GCSAML: variants seen among roughly 807,000 people sequenced by gnomAD.
The protein encoded by GCSAML is germinal center-associated signaling and motility-like protein.
Under a neutral mutation model 13.0 loss-of-function variants are expected in GCSAML, and 9 were observed. That is an observed-to-expected ratio of 0.69 (90% CI 0.42 to 1.21). The LOEUF is 1.21. Ranked by LOEUF, GCSAML falls within the 50% of genes most tolerant of loss-of-function variation. GCSAML has a pLI of 0.00. For missense variants in GCSAML, 143 were observed against 153.4 expected (o/e 0.93, Z 0.36); for synonymous variants, 37 against 52.9 (o/e 0.70, Z 1.31).
At chr1:247,533,935 C>G (rs1372571995) in intron 2 of GCSAML, 1 of 152,192 alleles carries the variant, frequency 6.6e-6, no homozygotes, top group Non-Finnish European at 1.5e-5. Context: ...GTCTGCTGCT[C>G]AACACCCTCA....
At chr1:247,549,029 T>C, upstream of GCSAML, 2 of 1,561,876 alleles carry the variant, frequency 1.3e-6, no homozygotes, top group South Asian at 2.3e-5. Flanking sequence ...CTTCCTGCCT[T>C]CTCTATCATG....
intron 1 of GCSAML, among the ~76,000 whole-genome samples, chr1:247,513,570 G>A (rs892054219): frequency 6.6e-6 from 1 of 152,220 alleles, no homozygotes; most frequent in Non-Finnish European, 1.5e-5. Flanking sequence ...AAAGACTCCT[G>A]CAGCTAGCTC....
intron 2 of GCSAML, among the ~76,000 whole-genome samples, chr1:247,556,810 T>C (rs1020881919): frequency 2.6e-5 from 4 of 152,320 alleles, no homozygotes; most frequent in South Asian, 2.1e-4. Context: ...GGAAAACATG[T>C]CTCATTATGC....
intron 2 of GCSAML, among the ~76,000 whole-genome samples, chr1:247,561,135 G>A (rs747858630): frequency 6.6e-6 from 1 of 151,768 alleles, no homozygotes; most frequent in Non-Finnish European, 1.5e-5. Context: ...CAACTTTTTT[G>A]TACAGACAGG....
intron 3 of GCSAML, 107 bp from the exon 4 acceptor site, chr1:247,565,824 A>G: frequency 1.2e-6 from 1 of 852,172 alleles, no homozygotes; most frequent in Non-Finnish European, 1.8e-6. Flanking sequence ...CTGCAGTTTT[A>G]TGACTTCTAC....
chr1:247,517,597 T>A (rs765360840), intron 1 of GCSAML, among the ~76,000 whole-genome samples: 2 of 152,142 alleles, frequency 1.3e-5, no homozygotes, highest in Non-Finnish European at 2.9e-5. Context: ...GTTTAAAAAA[T>A]TTTTATTTTT....
chr1:247,523,373 A>G (rs1484792003), intron 1 of GCSAML, among the ~76,000 whole-genome samples: 1 of 152,228 alleles, frequency 6.6e-6, no homozygotes, highest in African/African-American at 2.4e-5. Context: ...CCAATTTCTC[A>G]TTACTTAAGT....
intron 2 of GCSAML, among the ~76,000 whole-genome samples, chr1:247,559,070 A>T (rs1256703251): frequency 6.6e-6 from 1 of 152,198 alleles, no homozygotes; most frequent in African/African-American, 2.4e-5. Flanking sequence ...TTTATGGAAA[A>T]AGAAATCACT....
intron 1 of GCSAML, among the ~76,000 whole-genome samples, chr1:247,552,125 C>T (rs150126395): frequency 2.0e-4 from 31 of 152,246 alleles, no homozygotes; most frequent in African/African-American, 7.2e-4. Context: ...ATTTCTATGG[C>T]TAGCCCTGGG....
intron 2 of GCSAML, chr1:247,531,852 G>A (rs769258016): frequency 2.5e-6 from 4 of 1,614,172 alleles, no homozygotes; most frequent in Non-Finnish European, 3.4e-6. Flanking sequence ...GGGCAATGTG[G>A]CCGTAAGAGA....
At chr1:247,563,768 A>C in intron 3 of GCSAML, 129 bp downstream of exon 3, 1 of 493,324 alleles carries the variant, frequency 2.0e-6, no homozygotes, top group Non-Finnish European at 3.7e-6. Context: ...TTACTCTTTC[A>C]TAAAACTGAT....
At chr1:247,550,893 G>T (rs1447323058) in intron 1 of GCSAML, among the ~76,000 whole-genome samples, 2 of 152,092 alleles carry the variant, frequency 1.3e-5, no homozygotes, top group African/African-American at 4.8e-5. Context: ...AATGGATATG[G>T]AAGCAAATTT....
intron 1 of GCSAML, among the ~76,000 whole-genome samples, chr1:247,513,039 G>A (rs547969563): frequency 1.4e-4 from 21 of 152,314 alleles, no homozygotes; most frequent in African/African-American, 2.9e-4. Context: ...CTTGAGCGCT[G>A]TGTTGGGAGA....
rs1314843326 is a variant in GCSAML at position 247,575,456 on chromosome 1, TAA to T, written c.*1076_*1077del. 6.6e-6 allele frequency: 1 copy of T among 152,222 alleles called. No homozygotes were observed. The highest frequency in any genetic ancestry group is 1.5e-5 in the Non-Finnish European group (1 of 68,036). 9.4% of individuals were successfully genotyped at this position (152,222 alleles called of 1,614,324 possible). A position where few individuals can be genotyped will look rare whatever the true frequency, so the allele number is the denominator to read the frequency against. ...CATCTTTGAGGTGTAATCTACTCAA[TAA>T]ACTGTGTAAGACCAGTGACCAGACC... On this transcript the variant is annotated 3_prime_UTR_variant, in exon 5 of 5. Transcript: ENST00000366488.
rs1350904984 is a variant in GCSAML, at chr1:247,576,978, G to C, written c.*2596G>C. The stretch of plus-strand genomic sequence containing the variant: ...TAATAAACAGTATTGATTGGTAGAA[G>C]GAACGTTGAAATCCAAGAGCATCAA... On this transcript the variant is annotated 3_prime_UTR_variant, in exon 5 of 5. Transcript: ENST00000366488. 1 of 152,148 alleles carries C rather than the reference G, an allele frequency of 6.6e-6. No individual in the cohort carries two copies. Among genetic ancestry groups the C allele is most frequent in the Non-Finnish European group, 1.5e-5 (1 of 68,010 alleles). The allele number at this position is 152,148 out of a possible 1,614,324, so 9.4% of individuals were successfully genotyped here.
chr1:247,567,552 C>G (rs949930498), intron 4 of GCSAML, among the ~76,000 whole-genome samples: 2 of 152,158 alleles, frequency 1.3e-5, no homozygotes, highest in Non-Finnish European at 2.9e-5. Flanking sequence ...GTATTTGTGG[C>G]ACATTTTCTT....
chr1:247,545,722 G>A (rs1041995614), upstream of GCSAML, among the ~76,000 whole-genome samples: 4 of 152,112 alleles, frequency 2.6e-5, no homozygotes, highest in African/African-American at 9.7e-5. Context: ...TTTCAAAATT[G>A]GGTTATGTTT....
At chr1:247,515,460 T>C (rs1026421229) in intron 1 of GCSAML, among the ~76,000 whole-genome samples, 1 of 152,260 alleles carries the variant, frequency 6.6e-6, no homozygotes, top group African/African-American at 2.4e-5. Context: ...TGTACCTTGA[T>C]GAGGTCCTTG....
At position 247,574,306 on chromosome 1, in the gene GCSAML, C is replaced by T. The variant is rs748605480; in HGVS notation, c.332C>T (p.Ala111Val). ...AGAGAAAGGTCAGAGACAGAATATG[C>T]CCTTCTTAGGACTTCTGTTAGTAGG... The part of the protein sequence containing the change: ...QFRERSETEY[A>V]LLRTSVSRPC... Residue 111 changes from alanine (A) to valine (V), a missense_variant, in exon 5 of 5, where the codon GCC becomes GTC. Transcript: ENST00000366488. 6.2e-7 allele frequency: 1 copy of T among 1,613,800 alleles called. No individual in the cohort carries two copies. The highest frequency in any genetic ancestry group is 8.5e-7 in the Non-Finnish European group (1 of 1,179,750).
Sources: allele counts gnomAD v4.1 joint callset (sites outside exome capture counted in the v4.1 genomes callset), GRCh38; gene constraint gnomAD v4.1.1; transcripts MANE v1.5; gene names NCBI Gene and HGNC (gene_info 2026-07-23, HGNC 2026-07-21).